The following ODF2L variants were observed in gnomAD, a reference collection of about 807,000 sequenced individuals.
ODF2L encodes the protein protein BCAP.
A neutral mutation model predicts 86.3 loss-of-function variants in ODF2L; 76 were observed. That is an observed-to-expected ratio of 0.88 (90% confidence interval 0.73 to 1.07). The LOEUF is 1.07. Among genes scored for constraint, ODF2L ranks in the 50% least tolerant of loss-of-function variants. ODF2L has a pLI of 0.00. For missense variants in ODF2L, 748 were observed against 717.4 expected, an observed-to-expected ratio of 1.04 and a Z score of -0.49; for synonymous variants, 241 against 231.3, an observed-to-expected ratio of 1.04 and a Z score of -0.38.
chr1:86,358,886 T>C lies in ODF2L; in HGVS notation c.1260A>G (p.Gln420=), dbSNP rs142389058. 2.0e-4 allele frequency: 304 copies of C among 1,485,198 alleles called. 1 individual carries two copies. Among genetic ancestry groups the C allele is most frequent in the Non-Finnish European group, 2.2e-4 (243 of 1,096,404 alleles). 92.0% of individuals were successfully genotyped at this position (1,485,198 alleles called of 1,614,324 possible). The change falls in exon 13 of 18, where the codon CAA becomes CAG. Residue 420 remains glutamine (Q), a synonymous_variant. Transcript: ENST00000317336. The stretch of plus-strand genomic sequence containing the variant: ...CTATTTCAGCTGCTTCTTGCAACTT[T>C]TGTACCTGAAAATAAAGTATTAGAG...
At chr1:86,379,637 A>G (rs1216975002) in intron 7 of ODF2L, among the ~76,000 whole-genome samples, 4 of 152,206 alleles carry the variant, frequency 2.6e-5, no homozygotes, top group Non-Finnish European at 5.9e-5. Context: ...AAGGCTATAG[A>G]CGAGATAAAC....
intron 1 of ODF2L, among the ~76,000 whole-genome samples, chr1:86,393,966 G>A (rs1661518836): frequency 6.6e-6 from 1 of 152,160 alleles, no homozygotes; most frequent in Admixed American, 6.5e-5. Flanking sequence ...GGCCAAAGAT[G>A]TTCAGAATAT....
intron 3 of ODF2L, 122 bp downstream of exon 3, chr1:86,385,336 C>T: frequency 5.3e-6 from 3 of 568,062 alleles, no homozygotes; most frequent in South Asian, 6.3e-5. Flanking sequence ...TCTGATAAAC[C>T]CTCATTTTTG....
chr1:86,350,454 T>C (rs1001721460), exon 18 of ODF2L: 39 of 152,344 alleles, frequency 2.6e-4, no homozygotes, highest in African/African-American at 8.9e-4. Flanking sequence ...TATGGCTGCA[T>C]AGTATTCCAT....
exon 13 of ODF2L, chr1:86,358,792 C>G (rs1658786098): frequency 7.8e-7 from 1 of 1,289,834 alleles, no homozygotes; most frequent in East Asian, 2.4e-5. Context: ...CGTACCTTCT[C>G]TACATTTTTA....
chr1:86,365,865 A>G (rs556792769), intron 11 of ODF2L, among the ~76,000 whole-genome samples: 3 of 152,192 alleles, frequency 2.0e-5, no homozygotes, highest in Non-Finnish European at 4.4e-5. Context: ...AGAACAGCTA[A>G]CTACCACTAC....
chr1:86,364,274 A>G (rs1238142504), intron 11 of ODF2L, among the ~76,000 whole-genome samples: 1 of 152,186 alleles, frequency 6.6e-6, no homozygotes, highest in Admixed American at 6.5e-5. Context: ...CATTCAATAA[A>G]TATTCATTGA....
intron 1 of ODF2L, 71 bp from the exon 2 acceptor site, chr1:86,387,157 A>C: frequency 2.0e-6 from 1 of 510,568 alleles, no homozygotes; most frequent in Middle Eastern, 4.9e-4. Flanking sequence ...ATAAAAAATA[A>C]AGGTTATAAG....
intron 17 of ODF2L, chr1:86,352,212 G>GA (rs1012123470): frequency 1.3e-6 from 2 of 1,502,006 alleles, no homozygotes; most frequent in Admixed American, 2.3e-5. Context: ...CTGGATCCTG[G>GA]AAAAAACACA....
rs373763271 is a variant in ODF2L at position 86,380,977 on chromosome 1, G to A, written c.624+1265C>T. On this transcript the variant is annotated intron_variant, in intron 7 of 17. Transcript: ENST00000317336. ...CTCAAAAAAAAAACAACACAAAAAC[G>A]AAACAAAAAAAAACCACTGTCAAAC... Among the ~76,000 whole-genome samples, 23 of 149,854 alleles carry A rather than the reference G, an allele frequency of 1.5e-4. No homozygotes were observed. In the South Asian group the frequency reaches 3.6e-3, roughly 23 times the overall value.
chr1:86,352,767 C>T, intron 17 of ODF2L, 92 bp downstream of exon 16: 1 of 753,740 alleles, frequency 1.3e-6, no homozygotes, highest in Non-Finnish European at 2.1e-6. Context: ...ATCAGTAAAA[C>T]AATAGACTTG....
chr1:86,385,327 C>A, intron 3 of ODF2L, 131 bp downstream of exon 3: 1 of 553,114 alleles, frequency 1.8e-6, no homozygotes, highest in Non-Finnish European at 3.2e-6. Flanking sequence ...ATAAAGAATT[C>A]TGATAAACCC....
intron 11 of ODF2L, among the ~76,000 whole-genome samples, chr1:86,363,057 T>C (rs542491003): frequency 2.0e-5 from 3 of 152,236 alleles, no homozygotes; most frequent in Non-Finnish European, 2.9e-5. Context: ...ACAGTAACGA[T>C]GAGAGATGAT....
At chr1:86,352,365 G>A (rs1247500950) in intron 17 of ODF2L, among the ~76,000 whole-genome samples, 1 of 152,050 alleles carries the variant, frequency 6.6e-6, no homozygotes, top group East Asian at 1.9e-4. Flanking sequence ...ATTAAGCACA[G>A]TCACTTTGGT....
At chr1:86,382,479 CTACTTTACA>C (rs1660655506) in intron 6 of ODF2L, 121 bp from the exon 7 acceptor site, 1 of 1,499,462 alleles carries the variant, frequency 6.7e-7, no homozygotes, top group South Asian at 1.3e-5. Context: ...AAGCAAAGCA[CTACTTTACA>C]TAAACTGCCG....
At chr1:86,348,114 A>G (rs996682046), downstream of ODF2L, 8 of 152,134 alleles carry the variant, frequency 5.3e-5, no homozygotes, top group African/African-American at 1.9e-4. Flanking sequence ...AATTGAAGAC[A>G]GCCTGAATAT....
intron 11 of ODF2L, among the ~76,000 whole-genome samples, chr1:86,366,605 C>CAAAA (rs10659852): frequency 0.13 from 17,714 of 137,884 alleles, 1,581 homozygotes; most frequent in East Asian, 0.38. Flanking sequence ...GACTCTGTCT[C>CAAAA]AAAAAAAAAA....
At chr1:86,377,746 C>A (rs1226451936) in intron 7 of ODF2L, among the ~76,000 whole-genome samples, 1 of 152,190 alleles carries the variant, frequency 6.6e-6, no homozygotes, top group East Asian at 1.9e-4. Flanking sequence ...GAATGCAGGG[C>A]ACCAAGTCCC....
chr1:86,368,292 G>T (rs1205571384), intron 11 of ODF2L, among the ~76,000 whole-genome samples: 1 of 151,952 alleles, frequency 6.6e-6, no homozygotes, highest in Admixed American at 6.6e-5. Context: ...AAAGTTATAT[G>T]TTTGTTGTAT....
Sources: gnomAD v4.1 joint callset for allele counts (sites outside exome capture counted in the v4.1 genomes callset) on GRCh38, gnomAD v4.1.1 for gene constraint, MANE v1.5 for transcripts, NCBI Gene and HGNC (gene_info 2026-07-23, HGNC 2026-07-21) for gene names.